VPS13D: variants seen among roughly 807,000 people sequenced by gnomAD.
VPS13D encodes intermembrane lipid transfer protein VPS13D.
In VPS13D, 187 loss-of-function variants were observed where a neutral mutation model predicts 461.9. That is an observed-to-expected ratio of 0.40 (90% CI 0.36 to 0.46). VPS13D has a LOEUF of 0.46. Among genes scored for constraint, VPS13D ranks in the 20% least tolerant of loss-of-function variants. VPS13D has a pLI of 0.60. For synonymous variants in VPS13D, 1,951 were observed against 1,986.3 expected (o/e 0.98, Z 0.47); for missense variants, 4,711 against 5,364.9 (o/e 0.88, Z 3.81).
intron 65 of VPS13D, among the ~76,000 whole-genome samples, chr1:12,418,391 A>G (rs1317836277): frequency 6.6e-6 from 1 of 152,226 alleles, no homozygotes; most frequent in Admixed American, 6.5e-5. Flanking sequence ...TTCTTGCTTT[A>G]GCTCTTGGAC....
chr1:12,325,670 A>T (rs1643163065), intron 35 of VPS13D, among the ~76,000 whole-genome samples: 1 of 152,200 alleles, frequency 6.6e-6, no homozygotes, highest in Non-Finnish European at 1.5e-5. Flanking sequence ...ATAGTCTTTT[A>T]AAAATATTTT....
chr1:12,400,734 C>G (rs1644563892), intron 61 of VPS13D, among the ~76,000 whole-genome samples: 1 of 152,132 alleles, frequency 6.6e-6, no homozygotes, highest in African/African-American at 2.4e-5. Flanking sequence ...GGGTGGATCT[C>G]TTGAGCCCAG....
intron 17 of VPS13D, among the ~76,000 whole-genome samples, chr1:12,271,661 T>A (rs548372245): frequency 6.6e-6 from 1 of 150,736 alleles, no homozygotes; most frequent in East Asian, 2.0e-4. Context: ...AGAGTGAGAC[T>A]GTCTCAAAAA....
chr1:12,493,113 TAA>T (rs1446576207), intron 67 of VPS13D, among the ~76,000 whole-genome samples: 1 of 113,350 alleles, frequency 8.8e-6, no homozygotes, highest in Non-Finnish European at 1.8e-5. Flanking sequence ...TTCAAATAAA[TAA>T]AGAGAGCCCA....
chr1:12,456,239 C>T (rs143531591), intron 66 of VPS13D, 109 bp downstream of exon 66: 3 of 1,434,570 alleles, frequency 2.1e-6, no homozygotes, highest in Non-Finnish European at 2.7e-6. Context: ...CGCGGTGGCT[C>T]ATGCTTGTAA....
Position 12,508,133 on chromosome 1 carries a change from G to A in VPS13D, c.13036-760G>A, listed in dbSNP as rs551468423. On this transcript the variant is annotated intron_variant, in intron 69 of 69. Transcript: ENST00000620676. Reference sequence around the variant, plus strand: ...ATGAAGAGGGCGAGCACCTCAAAGTGTGAGTATTTCTCCAGATCCCTTCAC... The same window carrying A: ...ATGAAGAGGGCGAGCACCTCAAAGTATGAGTATTTCTCCAGATCCCTTCAC... 2.6e-4 allele frequency among the ~76,000 whole-genome samples: 40 copies of A among 152,344 alleles called. 2 individuals carry two copies. The South Asian group carries it at 8.1e-3, about 31-fold the overall frequency.
At position 12,361,395 on chromosome 1, in the gene VPS13D, A is replaced by AT. The variant is rs796776170; in HGVS notation, c.10142-1322dup. On this transcript the variant is annotated intron_variant, in intron 50 of 69. Coordinates refer to ENST00000620676, the MANE Select transcript of VPS13D (RefSeq NM_015378.4). ...TTTTTATTTATTTATTTATTTATTT[A>AT]TTTATTTATTTTTTTTTTGAGACGG... 9.1e-3 allele frequency among the ~76,000 whole-genome samples: 1,216 copies of AT among 133,388 alleles called. 63 individuals are homozygous for AT. In the East Asian group the frequency reaches 0.12, roughly 14 times the overall value. 87.5% of individuals were successfully genotyped at this position (133,388 alleles called of 152,430 possible). A position where few individuals can be genotyped will look rare whatever the true frequency, so the allele number is the denominator to read the frequency against.
chr1:12,508,210 G>A lies in VPS13D; in HGVS notation c.13036-683G>A, dbSNP rs188722773. ...TATACTTCTGCCCCTTTCAAAGCAG[G>A]TGGGCAGAGAGGTGTTTGTGGTAAG... On this transcript the variant is annotated intron_variant, in intron 69 of 69. Transcript: ENST00000620676. Among the ~76,000 whole-genome samples the A allele has an allele frequency of 3.3e-3, 500 of 152,324 alleles. 1 individual carries two copies. Among genetic ancestry groups the A allele is most frequent in the Non-Finnish European group, 4.7e-3 (323 of 68,036 alleles).
intron 44 of VPS13D, 30 bp from the exon 45 acceptor site, chr1:12,348,793 A>C (rs1317858213): frequency 6.2e-7 from 1 of 1,608,632 alleles, no homozygotes; most frequent in African/African-American, 1.3e-5. Context: ...TCAGAAACAT[A>C]ACTATTTTGT....
At chr1:12,499,730 G>A (rs1298180703) in intron 68 of VPS13D, 7 of 985,268 alleles carry the variant, frequency 7.1e-6, no homozygotes, top group African/African-American at 1.7e-5. Flanking sequence ...AAGGAGGCAC[G>A]TGACCACGGC....
At chr1:12,430,641 A>G (rs545259162) in intron 65 of VPS13D, among the ~76,000 whole-genome samples, 2 of 152,338 alleles carry the variant, frequency 1.3e-5, no homozygotes, top group East Asian at 3.9e-4. Flanking sequence ...ACAAACACTG[A>G]GCCCACTCTT....
chr1:12,425,279 C>T (rs987462706), intron 65 of VPS13D, among the ~76,000 whole-genome samples: 3 of 151,902 alleles, frequency 2.0e-5, no homozygotes, highest in Non-Finnish European at 2.9e-5. Flanking sequence ...GAAAGCAGGC[C>T]GGGCATGGTG....
chr1:12,246,236 C>G (rs1311778858), intron 5 of VPS13D, among the ~76,000 whole-genome samples: 1 of 152,204 alleles, frequency 6.6e-6, no homozygotes, highest in Non-Finnish European at 1.5e-5. Context: ...TATCCTCCCT[C>G]AGACTGGGAG....
chr1:12,272,467 CAA>C (rs1484995528), intron 17 of VPS13D, among the ~76,000 whole-genome samples: 1 of 150,186 alleles, frequency 6.7e-6, no homozygotes, highest in Non-Finnish European at 1.5e-5. Context: ...TTCTTGTAAA[CAA>C]AAGAGGTTTC....
At chr1:12,484,620 G>A (rs1211767765) in intron 67 of VPS13D, among the ~76,000 whole-genome samples, 6 of 152,132 alleles carry the variant, frequency 3.9e-5, no homozygotes, top group Admixed American at 2.0e-4. Flanking sequence ...TGGGAGGCTC[G>A]GAGTGTCCAG....
At chr1:12,486,066 A>C (rs78839604) in intron 67 of VPS13D, among the ~76,000 whole-genome samples, 3,883 of 152,284 alleles carry the variant, frequency 0.025, 130 homozygotes, top group Admixed American at 0.1. Flanking sequence ...AGAGGCGGAA[A>C]AAAGAAATCT....
In VPS13D at chr1:12,288,394, T is replaced by C. The variant is rs1205211768; in HGVS notation, c.5725+81T>C. The C allele has an allele frequency of 6.3e-6, 8 of 1,267,590 alleles. No homozygotes were observed. In the Admixed American group the frequency reaches 1.4e-4, roughly 22 times the overall value. The allele number at this position is 1,267,590 out of a possible 1,614,324, so 78.5% of individuals were successfully genotyped here. ...CATTGTGATCACAAATTGATTGTCC[T>C]CACGTGCTGAGTAAGGTGTGGCAGT... On this transcript the variant is annotated intron_variant, in intron 22 of 69. Transcript: ENST00000620676.
Position 12,510,435 on chromosome 1 carries a change from A to G in VPS13D, c.*1411A>G, listed in dbSNP as rs1646166724. 6.6e-6 allele frequency: 1 copy of G among 152,194 alleles called. No homozygotes were observed. Among genetic ancestry groups the G allele is most frequent in the East Asian group, 1.9e-4 (1 of 5,192 alleles). 9.4% of individuals were successfully genotyped at this position (152,194 alleles called of 1,614,324 possible). A position where few individuals can be genotyped will look rare whatever the true frequency, so the allele number is the denominator to read the frequency against. ...GGATGCGTGGAAGGTTTTGGTGTTTATAACTCATGACCCAAATCCTTCCAA... is the reference window on the plus strand; with the variant it reads ...GGATGCGTGGAAGGTTTTGGTGTTTGTAACTCATGACCCAAATCCTTCCAA... On this transcript the variant is annotated 3_prime_UTR_variant, in exon 70 of 70. Transcript: ENST00000620676.
rs1336961224 is a variant in VPS13D at position 12,366,217 on chromosome 1, G to A, written c.10449-2251G>A. Among the ~76,000 whole-genome samples the A allele has an allele frequency of 6.6e-5, 10 of 152,110 alleles. No individual in the cohort carries two copies. The South Asian group carries it at 2.1e-3, about 32-fold the overall frequency. On this transcript the variant is annotated intron_variant, in intron 52 of 69. Coordinates refer to ENST00000620676, the MANE Select transcript of VPS13D (RefSeq NM_015378.4). ...AGCCACCATACCTGGCCCCAAGATA[G>A]TATTTATATTTGACTTTTAAATGTA...
Sources: gnomAD v4.1 joint callset for allele counts (sites outside exome capture counted in the v4.1 genomes callset) on GRCh38, gnomAD v4.1.1 for gene constraint, MANE v1.5 for transcripts, NCBI Gene and HGNC (gene_info 2026-07-23, HGNC 2026-07-21) for gene names.